DCC: variants seen among roughly 807,000 people sequenced by gnomAD.
The protein encoded by DCC is DCC netrin 1 receptor.
A neutral mutation model predicts 172.5 loss-of-function variants in DCC; 58 were observed. The observed-to-expected ratio is 0.34, with a 90% CI of 0.27 to 0.42. The LOEUF (loss-of-function observed/expected upper bound fraction) is 0.42, where lower values mean the gene tolerates loss of function less well. DCC is among the 10% of genes least tolerant of loss of function. The probability of loss-of-function intolerance (pLI) is 1.00; values close to 1 mark genes in which losing one functional copy is unlikely to be tolerated. For missense variants in DCC, 1,740 were observed against 1,791.0 expected (o/e 0.97, Z 0.51); for synonymous variants, 709 against 644.5 (o/e 1.10, Z -1.52).
At chr18:52,582,192 C>T (rs2033564898) in intron 1 of DCC, among the ~76,000 whole-genome samples, 1 of 152,070 alleles carries the variant, frequency 6.6e-6, no homozygotes, top group Non-Finnish European at 1.5e-5. Flanking sequence ...AGCCCAATTG[C>T]CCCCATGCAC....
At chr18:53,430,158 C>G (rs1165760079) in intron 21 of DCC, among the ~76,000 whole-genome samples, 1 of 152,018 alleles carries the variant, frequency 6.6e-6, no homozygotes, top group Non-Finnish European at 1.5e-5. Flanking sequence ...CAATTTCTAT[C>G]ATCATTAGAA....
chr18:53,429,917 C>T (rs1001383232), intron 21 of DCC, among the ~76,000 whole-genome samples: 26 of 151,992 alleles, frequency 1.7e-4, no homozygotes, highest in African/African-American at 6.3e-4. Flanking sequence ...TTTGAAATAT[C>T]CTACGTGTTG....
intron 1 of DCC, among the ~76,000 whole-genome samples, chr18:52,652,011 G>A (rs2035141688): frequency 6.6e-6 from 1 of 152,186 alleles, no homozygotes; most frequent in Admixed American, 6.5e-5. Context: ...AAAGTGCAAC[G>A]CAACTTGAGG....
At chr18:52,668,479 C>T (rs2035494701) in intron 1 of DCC, among the ~76,000 whole-genome samples, 1 of 152,134 alleles carries the variant, frequency 6.6e-6, no homozygotes, top group Non-Finnish European at 1.5e-5. Context: ...GCTGTTAGTT[C>T]ACAAGATGAT....
chr18:53,467,249 A>G (rs2045633269), intron 24 of DCC, among the ~76,000 whole-genome samples: 1 of 152,124 alleles, frequency 6.6e-6, no homozygotes, highest in Non-Finnish European at 1.5e-5. Context: ...GGGAACATAC[A>G]CTATTCAGAA....
intron 2 of DCC, among the ~76,000 whole-genome samples, chr18:52,787,791 AT>A (rs2037686966): frequency 6.6e-6 from 1 of 152,092 alleles, no homozygotes; most frequent in African/African-American, 2.4e-5. Flanking sequence ...ACCATAAATT[AT>A]TTATTTTGCC....
At chr18:53,425,187 A>C (rs752874320) in intron 21 of DCC, among the ~76,000 whole-genome samples, 1 of 151,446 alleles carries the variant, frequency 6.6e-6, no homozygotes, top group Non-Finnish European at 1.5e-5. Flanking sequence ...GCATGGTTAC[A>C]AGGAAACTAT....
intron 1 of DCC, among the ~76,000 whole-genome samples, chr18:52,618,904 C>CT (rs1265318270): frequency 6.6e-6 from 1 of 152,072 alleles, no homozygotes; most frequent in East Asian, 1.9e-4. Flanking sequence ...TTTTTTAACT[C>CT]TAAGTTTTTA....
At chr18:52,971,686 A>G (rs1004081829) in intron 5 of DCC, among the ~76,000 whole-genome samples, 3 of 152,130 alleles carry the variant, frequency 2.0e-5, no homozygotes, top group African/African-American at 7.2e-5. Context: ...TACCACTTTT[A>G]GCCTGTTACA....
chr18:53,221,634 A>G (rs1459115779), intron 12 of DCC, among the ~76,000 whole-genome samples: 1 of 152,140 alleles, frequency 6.6e-6, no homozygotes, highest in East Asian at 1.9e-4. Flanking sequence ...GGCAACGACT[A>G]TTTTACTTTT....
At chr18:53,036,970 T>C (rs2042102724) in intron 5 of DCC, among the ~76,000 whole-genome samples, 1 of 152,008 alleles carries the variant, frequency 6.6e-6, no homozygotes, top group South Asian at 2.1e-4. Context: ...ATGAGTATTT[T>C]TCAAGCAGGT....
At chr18:52,932,337 T>A (rs2040318495) in intron 5 of DCC, among the ~76,000 whole-genome samples, 1 of 152,136 alleles carries the variant, frequency 6.6e-6, no homozygotes, top group African/African-American at 2.4e-5. Context: ...CCTCCATAAA[T>A]GTTCTAGAGA....
At chr18:52,642,577 C>A (rs2034931121) in intron 1 of DCC, among the ~76,000 whole-genome samples, 1 of 151,888 alleles carries the variant, frequency 6.6e-6, no homozygotes, top group South Asian at 2.1e-4. Context: ...ACAAATATGG[C>A]ACTCAGGAAA....
intron 5 of DCC, among the ~76,000 whole-genome samples, chr18:53,052,278 A>AT (rs2042344173): frequency 6.6e-6 from 1 of 152,076 alleles, no homozygotes; most frequent in East Asian, 1.9e-4. Flanking sequence ...TTCATTTTAA[A>AT]TGAATCCATT....
intron 1 of DCC, among the ~76,000 whole-genome samples, chr18:52,656,068 A>ATGTATATATG (rs2035244804): frequency 1.5e-5 from 2 of 137,636 alleles, no homozygotes; most frequent in Non-Finnish European, 3.0e-5. Context: ...GTGTATATAT[A>ATGTATATATG]TGTGTATATA....
chr18:52,912,846 C>T (rs1329760470), intron 3 of DCC, among the ~76,000 whole-genome samples: 1 of 151,928 alleles, frequency 6.6e-6, no homozygotes, highest in Admixed American at 6.6e-5. Context: ...CTTTATAATC[C>T]TAGACTTCAA....
intron 2 of DCC, among the ~76,000 whole-genome samples, chr18:52,844,197 A>G (rs967892161): frequency 1.1e-4 from 17 of 152,172 alleles, no homozygotes; most frequent in Non-Finnish European, 5.9e-5. Flanking sequence ...CCTCACCTCC[A>G]TATCTACTGT....
chr18:52,950,502 A>G (rs1360595855), intron 5 of DCC, among the ~76,000 whole-genome samples: 1 of 152,248 alleles, frequency 6.6e-6, no homozygotes, highest in Non-Finnish European at 1.5e-5. Context: ...TATAGATTAT[A>G]TAACTCACAC....
At chr18:52,723,036 C>T (rs1459760363) in intron 1 of DCC, among the ~76,000 whole-genome samples, 1 of 152,114 alleles carries the variant, frequency 6.6e-6, no homozygotes, top group Non-Finnish European at 1.5e-5. Context: ...GCTCTATTGT[C>T]CTCTAGCTTC....
Sources: allele counts gnomAD v4.1 joint callset (sites outside exome capture counted in the v4.1 genomes callset), GRCh38; gene constraint gnomAD v4.1.1; transcripts MANE v1.5; gene names NCBI Gene and HGNC (gene_info 2026-07-23, HGNC 2026-07-21).